The following SOX5 variants were observed in gnomAD, a reference collection of about 807,000 sequenced individuals.
The protein encoded by SOX5 is SRY-box transcription factor 5, also known as transcription factor SOX-5.
SOX5 carries 9 observed loss-of-function variants against 92.0 expected under a neutral mutation model. The ratio of observed to expected loss-of-function variants is 0.10; its 90% confidence interval spans 0.06 to 0.17. The LOEUF (loss-of-function observed/expected upper bound fraction) is 0.17. SOX5 is among the 10% of genes least tolerant of loss of function. The pLI, the probability that SOX5 is intolerant of heterozygous loss-of-function variation, is 1.00. For missense variants in SOX5, 642 were observed against 944.5 expected (o/e 0.68, Z 4.20); for synonymous variants, 344 against 336.3 (o/e 1.02, Z -0.25).
At position 23,925,112 on chromosome 12, in the gene SOX5, C is replaced by A. The variant is rs12315599; in HGVS notation, c.38+24452G>T. Among the ~76,000 whole-genome samples, 1,398 of 152,144 alleles carry A rather than the reference C, an allele frequency of 9.2e-3. 18 individuals carry two copies. Among genetic ancestry groups the A allele is most frequent in the African/African-American group, 0.031 (1,302 of 41,538 alleles). Reference sequence around the variant, plus strand: ...TTACCATAGGTATGAGATTTTATAACTATCCTAGCAAAATAATATTTTCAT... The same window carrying A: ...TTACCATAGGTATGAGATTTTATAAATATCCTAGCAAAATAATATTTTCAT... On this transcript the variant is annotated intron_variant, in intron 1 of 14. Coordinates refer to ENST00000451604, the MANE Select transcript of SOX5 (RefSeq NM_006940.6).
At chr12:24,485,038 G>T (rs895852611) in intron 1 of SOX5, among the ~76,000 whole-genome samples, 4 of 152,082 alleles carry the variant, frequency 2.6e-5, no homozygotes, top group African/African-American at 9.7e-5. Flanking sequence ...TACAAGGTTC[G>T]GACAGATGGA....
chr12:23,542,438 T>C (rs2136005493), intron 13 of SOX5, among the ~76,000 whole-genome samples: 1 of 150,848 alleles, frequency 6.6e-6, no homozygotes, highest in South Asian at 2.1e-4. Flanking sequence ...CAATGGAATC[T>C]TCTTTTTTTC....
chr12:24,506,088 G>A (rs545830359), intron 1 of SOX5, among the ~76,000 whole-genome samples: 55 of 152,024 alleles, frequency 3.6e-4, no homozygotes, highest in Non-Finnish European at 6.0e-4. Flanking sequence ...CACCCCCTAT[G>A]TGTGACCAAA....
intron 3 of SOX5, among the ~76,000 whole-genome samples, chr12:23,795,366 T>A (rs2095544346): frequency 6.6e-6 from 1 of 152,142 alleles, no homozygotes; most frequent in Admixed American, 6.6e-5. Context: ...CTCATTCTGT[T>A]TATCACAGAA....
chr12:23,934,457 ATATG>A (rs1266279756), intron 1 of SOX5, among the ~76,000 whole-genome samples: 4 of 148,984 alleles, frequency 2.7e-5, no homozygotes, highest in Non-Finnish European at 6.0e-5. Context: ...TACATGATGT[ATATG>A]TATTATATAT....
At chr12:23,987,217 A>G (rs1950138628) in intron 4 of SOX5, among the ~76,000 whole-genome samples, 1 of 152,232 alleles carries the variant, frequency 6.6e-6, no homozygotes, top group Non-Finnish European at 1.5e-5. Context: ...TATGCTGAGA[A>G]TTAAAATGAA....
At chr12:24,385,008 A>G (rs1181062280) in intron 1 of SOX5, among the ~76,000 whole-genome samples, 1 of 151,616 alleles carries the variant, frequency 6.6e-6, no homozygotes, top group East Asian at 1.9e-4. Context: ...TCCAGTATTT[A>G]AGATATTTTG....
At chr12:24,232,134 G>A (rs1963526045) in intron 3 of SOX5, among the ~76,000 whole-genome samples, 3 of 151,792 alleles carry the variant, frequency 2.0e-5, no homozygotes, top group Admixed American at 2.0e-4. Context: ...CACCTACCAT[G>A]GTATCTTGTG....
chr12:24,140,985 AT>A (rs1217185610), intron 4 of SOX5, among the ~76,000 whole-genome samples: 1 of 152,196 alleles, frequency 6.6e-6, no homozygotes, highest in Non-Finnish European at 1.5e-5. Flanking sequence ...TTTTTAAAAA[AT>A]AACTAATCCT....
chr12:23,768,362 T>C (rs2094808716), intron 3 of SOX5, among the ~76,000 whole-genome samples: 1 of 152,022 alleles, frequency 6.6e-6, no homozygotes, highest in Middle Eastern at 3.2e-3. Context: ...CTCTAAGGTA[T>C]AAAAAAACAC....
At position 24,506,784 on chromosome 12, in the gene SOX5, C is replaced by CTTTTTTTTTTTTTTTTTTTTT. The variant is rs386375924; in HGVS notation, c.-251+55524_-251+55544dup. On this transcript the variant is annotated intron_variant, in intron 1 of 4. Transcript: ENST00000446891. ...CTGTATTTCATGGTATCCAAATGGT[C>CTTTTTTTTTTTTTTTTTTTTT]TTTTTTTTTTTTTTTTTTTTTTGGA... 4.2e-4 allele frequency among the ~76,000 whole-genome samples: 34 copies of CTTTTTTTTTTTTTTTTTTTTT among 81,768 alleles called. 3 individuals are homozygous for CTTTTTTTTTTTTTTTTTTTTT. The highest frequency in any genetic ancestry group is 5.3e-4 in the Non-Finnish European group (24 of 45,152). The allele number at this position is 81,768 out of a possible 152,430, so 53.6% of individuals were successfully genotyped here.
chr12:24,264,672 G>A (rs764203006), intron 3 of SOX5, among the ~76,000 whole-genome samples: 12 of 152,180 alleles, frequency 7.9e-5, no homozygotes, highest in Non-Finnish European at 2.9e-5. Context: ...TGGGGAAAAG[G>A]TGGAAATGCA....
At chr12:23,658,707 A>G (rs1020083776) in intron 7 of SOX5, among the ~76,000 whole-genome samples, 1 of 152,158 alleles carries the variant, frequency 6.6e-6, no homozygotes, top group Non-Finnish European at 1.5e-5. Context: ...GCTGGCCAAC[A>G]TGGTGAAACC....
chr12:24,338,807 A>C (rs1376111756), intron 2 of SOX5, among the ~76,000 whole-genome samples: 1 of 152,258 alleles, frequency 6.6e-6, no homozygotes, highest in East Asian at 1.9e-4. Flanking sequence ...CCACCACGTA[A>C]GATGTGGCTT....
intron 4 of SOX5, among the ~76,000 whole-genome samples, chr12:24,108,855 AAAGT>A (rs1369983952): frequency 6.6e-6 from 1 of 152,180 alleles, no homozygotes; most frequent in African/African-American, 2.4e-5. Context: ...CAATGAAGTG[AAAGT>A]AATAACACTG....
At chr12:24,422,456 C>A (rs1164827985) in intron 1 of SOX5, among the ~76,000 whole-genome samples, 1 of 152,072 alleles carries the variant, frequency 6.6e-6, no homozygotes, top group African/African-American at 2.4e-5. Context: ...ATCATGGAAG[C>A]AGGTATCGAA....
intron 4 of SOX5, among the ~76,000 whole-genome samples, chr12:24,188,561 G>A (rs1956229518): frequency 6.6e-6 from 1 of 151,956 alleles, no homozygotes; most frequent in South Asian, 2.1e-4. Flanking sequence ...ACAATAGTAA[G>A]TCAACATAAA....
chr12:24,179,997 T>C (rs2139264173), intron 4 of SOX5, among the ~76,000 whole-genome samples: 1 of 151,588 alleles, frequency 6.6e-6, no homozygotes, highest in South Asian at 2.1e-4. Context: ...GCCCAGGTTA[T>C]GCAGTGGTAG....
Position 23,972,755 on chromosome 12 carries a change from G to A in SOX5, c.-1-76731C>T, listed in dbSNP as rs114479684. On this transcript the variant is annotated intron_variant, in intron 4 of 4. Transcript: ENST00000446891. ...TGATGTTTTGCTCTATGTGTATATT[G>A]TGGACAGATTAAATAAAGCTAATTA... 8.3e-3 allele frequency among the ~76,000 whole-genome samples: 1,263 copies of A among 152,100 alleles called. 25 individuals are homozygous for A. Among genetic ancestry groups the A allele is most frequent in the African/African-American group, 0.029 (1,202 of 41,490 alleles).
Sources: allele counts gnomAD v4.1 joint callset (sites outside exome capture counted in the v4.1 genomes callset), GRCh38; gene constraint gnomAD v4.1.1; transcripts MANE v1.5; gene names NCBI Gene and HGNC (gene_info 2026-07-23, HGNC 2026-07-21).